Variants in RUNX3 observed in about 807,000 individuals in gnomAD.
RUNX3 encodes the protein runt-related transcription factor 3.
A neutral mutation model predicts 27.7 loss-of-function variants in RUNX3; 10 were observed. The observed-to-expected ratio is 0.36, with a 90% confidence interval of 0.22 to 0.61. The LOEUF is 0.61. RUNX3 is among the 20% of genes least tolerant of loss of function. The pLI, the probability that RUNX3 is intolerant of heterozygous loss-of-function variation, is 0.72. For synonymous variants in RUNX3, 270 were observed against 269.2 expected (o/e 1.00, Z -0.03); for missense variants, 469 against 629.5 (o/e 0.75, Z 2.73).
chr1:24,908,124 AAACCTCTATGACACGCGGTGATCCG>A lies in RUNX3; in HGVS notation c.545-732_545-708del, dbSNP rs1557837238. Among the ~76,000 whole-genome samples the A allele has an allele frequency of 7.2e-4, 76 of 105,984 alleles. 1 individual carries two copies. Among genetic ancestry groups the A allele is most frequent in the Middle Eastern group, 5.5e-3 (1 of 182 alleles). 69.5% of individuals were successfully genotyped at this position (105,984 alleles called of 152,430 possible). The stretch of plus-strand genomic sequence containing the variant: ...GAACCTCTACGACACGCGGTGATCC[AAACCTCTATGACACGCGGTGATCCG>A]AACCTCTACGACACGCGGTGATCCG... On this transcript the variant is annotated intron_variant, in intron 3 of 4. Transcript: ENST00000308873.
intron 4 of RUNX3, among the ~76,000 whole-genome samples, chr1:24,903,490 C>T (rs1432460688): frequency 6.6e-6 from 1 of 152,222 alleles, no homozygotes; most frequent in Non-Finnish European, 1.5e-5. Context: ...TCTGCCCCTG[C>T]TCCCCCAGGA....
intron 3 of RUNX3, among the ~76,000 whole-genome samples, chr1:24,909,551 C>T (rs995022396): frequency 6.6e-6 from 1 of 152,186 alleles, no homozygotes; most frequent in African/African-American, 2.4e-5. Context: ...GGGGATCCTC[C>T]CTGCTACGGA....
In RUNX3 at chr1:24,902,760, A is replaced by G; in HGVS notation, c.704-94T>C. The G allele has an allele frequency of 8.7e-7, 1 of 1,143,498 alleles. No homozygotes were observed. The highest frequency in any genetic ancestry group is 1.2e-6 in the Non-Finnish European group (1 of 830,262). The allele number at this position is 1,143,498 out of a possible 1,614,324, so 70.8% of individuals were successfully genotyped here. A position where few individuals can be genotyped will look rare whatever the true frequency, so the allele number is the denominator to read the frequency against. The stretch of plus-strand genomic sequence containing the variant: ...CCTTGGGCTCTGGTTCCCAAGGCCC[A>G]TCTGGGGGACCCCTAGTTCTAGACC... On this transcript the variant is annotated intron_variant, in intron 4 of 4. Transcript: ENST00000308873. This position sits in a 1 kb window ranked among gnomAD's most constrained non-coding sequence, Gnocchi z 9.2.
At chr1:24,958,749 C>T (rs939272104) in intron 2 of RUNX3, among the ~76,000 whole-genome samples, 4 of 152,206 alleles carry the variant, frequency 2.6e-5, no homozygotes, top group African/African-American at 7.2e-5. Flanking sequence ...AGTCTCAGGG[C>T]AGGCCCACGG....
rs1222782463 is a variant in RUNX3 at position 24,923,012 on chromosome 1, GCA to G, written c.440-3670_440-3669del. 1.3e-5 allele frequency among the ~76,000 whole-genome samples: 2 copies of G among 152,100 alleles called. No individual in the cohort carries two copies. The highest frequency in any genetic ancestry group is 2.9e-5 in the Non-Finnish European group (2 of 68,026). ...TCTCCAGCCCCTAGGACGGCATCCG[GCA>G]CAGAGTAGGTGCTCAACAACATTTG... On this transcript the variant is annotated intron_variant, in intron 2 of 4. Transcript: ENST00000308873. The surrounding 1 kb of genome is among the most constrained non-coding windows in gnomAD (Gnocchi z 5.9).
chr1:24,904,990 A>C lies in RUNX3; in HGVS notation c.703+2269T>G, dbSNP rs529675049. Reference sequence around the variant, plus strand: ...TGTCCGGGCTGCTGCATGGTGGCTGAATGAGCCCTTTCAGCTGTGAGAAGC... The same window carrying C: ...TGTCCGGGCTGCTGCATGGTGGCTGCATGAGCCCTTTCAGCTGTGAGAAGC... On this transcript the variant is annotated intron_variant, in intron 4 of 4. Transcript: ENST00000308873. The surrounding 1 kb of genome is among the most constrained non-coding windows in gnomAD (Gnocchi z 5.7). Among the ~76,000 whole-genome samples, 22 of 152,314 alleles carry C rather than the reference A, an allele frequency of 1.4e-4. No individual in the cohort carries two copies. Among genetic ancestry groups the C allele is most frequent in the Non-Finnish European group, 1.3e-4 (9 of 68,024 alleles).
In RUNX3 at chr1:24,943,335, T is replaced by C. The variant is rs901277564; in HGVS notation, c.59-13483A>G. Among the ~76,000 whole-genome samples, 1 of 152,196 alleles carries C rather than the reference T, an allele frequency of 6.6e-6. No individual in the cohort carries two copies. The highest frequency in any genetic ancestry group is 1.5e-5 in the Non-Finnish European group (1 of 68,024). On this transcript the variant is annotated intron_variant, in intron 2 of 6. Coordinates refer to the RUNX3 transcript ENST00000338888. This position sits in a 1 kb window ranked among gnomAD's most constrained non-coding sequence, Gnocchi z 4.6. The stretch of plus-strand genomic sequence containing the variant: ...TGTGAGGCTCCTGGAGACAGGGTCA[T>C]GGACTTGAGGCTCTGAGACCCTGAG...
intron 2 of RUNX3, among the ~76,000 whole-genome samples, chr1:24,950,092 T>C (rs1443989115): frequency 6.6e-6 from 1 of 152,212 alleles, no homozygotes; most frequent in Non-Finnish European, 1.5e-5. Context: ...TCTCCAATCC[T>C]CAGGCAGGGC....
chr1:24,954,875 A>G (rs1355665581), intron 2 of RUNX3, among the ~76,000 whole-genome samples: 1 of 152,176 alleles, frequency 6.6e-6, no homozygotes, highest in Non-Finnish European at 1.5e-5. Flanking sequence ...CCTATTTCAG[A>G]GAACCGCCCT....
At chr1:24,930,956 C>T (rs1641214599), upstream of RUNX3, among the ~76,000 whole-genome samples, 1 of 152,254 alleles carries the variant, frequency 6.6e-6, no homozygotes, top group Admixed American at 6.5e-5. This position sits in a 1 kb window ranked among gnomAD's most constrained non-coding sequence, Gnocchi z 4.1. Flanking sequence ...GGGCCAACAA[C>T]CCCTTTCCTC....
At chr1:24,926,851 G>A (rs1378986837) in intron 2 of RUNX3, among the ~76,000 whole-genome samples, 1 of 152,188 alleles carries the variant, frequency 6.6e-6, no homozygotes, top group Non-Finnish European at 1.5e-5. Context: ...ACAGGGGCAG[G>A]GTTTCCAGGA....
chr1:24,919,380 A>G (rs1435856769), intron 2 of RUNX3, 36 bp from the exon 3 acceptor site: 11 of 1,447,066 alleles, frequency 7.6e-6, no homozygotes, highest in Admixed American at 3.4e-5. Context: ...GGTGGTTGGC[A>G]CCTGGAGCTT....
At chr1:24,919,572 G>A (rs1640956056) in intron 2 of RUNX3, among the ~76,000 whole-genome samples, 1 of 152,108 alleles carries the variant, frequency 6.6e-6, no homozygotes, top group Non-Finnish European at 1.5e-5. Flanking sequence ...CCCGCCCCAT[G>A]CCGTGACCAC....
At chr1:24,954,750 G>T (rs1474191906) in intron 2 of RUNX3, among the ~76,000 whole-genome samples, 1 of 152,208 alleles carries the variant, frequency 6.6e-6, no homozygotes, top group East Asian at 1.9e-4. Flanking sequence ...GTGTGCTTCG[G>T]CTGCTCAGGT....
chr1:24,932,421 G>C (rs1430509706), upstream of RUNX3, among the ~76,000 whole-genome samples: 1 of 151,964 alleles, frequency 6.6e-6, no homozygotes. Context: ...GCTAGTTGGC[G>C]CCCGCGCCCT....
chr1:24,915,199 G>A (rs1044492063), intron 3 of RUNX3, among the ~76,000 whole-genome samples: 2 of 152,180 alleles, frequency 1.3e-5, no homozygotes, highest in Non-Finnish European at 2.9e-5. Context: ...TGAGGTGGGC[G>A]GATCACTTGA....
intron 3 of RUNX3, among the ~76,000 whole-genome samples, chr1:24,912,407 C>T (rs1640813334): frequency 6.6e-6 from 1 of 152,172 alleles, no homozygotes; most frequent in African/African-American, 2.4e-5. Context: ...GCCCCCCACT[C>T]TTCAGAGCCT....
In RUNX3 at chr1:24,962,423, G is replaced by A. The variant is rs1236343194; in HGVS notation, c.58+2091C>T. On this transcript the variant is annotated intron_variant, in intron 2 of 6. Transcript: ENST00000338888. The surrounding 1 kb of genome is among the most constrained non-coding windows in gnomAD (Gnocchi z 4.5). ...GGTTAGGGACCCTGTAGGGGGCAGC[G>A]TGGGGTTGGCACCCTGCAAATGGGA... Among the ~76,000 whole-genome samples the A allele has an allele frequency of 6.6e-6, 1 of 152,210 alleles. No individual in the cohort carries two copies.
At chr1:24,918,123 C>T (rs1033948632) in intron 3 of RUNX3, among the ~76,000 whole-genome samples, 1 of 152,150 alleles carries the variant, frequency 6.6e-6, no homozygotes, top group African/African-American at 2.4e-5. Flanking sequence ...GGACTCAGCT[C>T]CAAGCCTTTC....
Sources: gnomAD v4.1 joint callset for allele counts (sites outside exome capture counted in the v4.1 genomes callset) on GRCh38, gnomAD v4.1.1 for gene constraint, Gnocchi (gnomAD v3.1) non-coding constraint, MANE v1.5 for transcripts, NCBI Gene and HGNC (gene_info 2026-07-23, HGNC 2026-07-21) for gene names.